PJA2: variants seen among roughly 807,000 people sequenced by gnomAD.
PJA2 encodes E3 ubiquitin-protein ligase Praja-2.
A neutral mutation model predicts 69.3 loss-of-function variants in PJA2; 25 were observed. The ratio of observed to expected loss-of-function variants is 0.36; its 90% CI spans 0.26 to 0.50. The LOEUF (loss-of-function observed/expected upper bound fraction) is 0.50. PJA2 is among the 20% of genes least tolerant of loss of function. The pLI is 0.96. For synonymous variants in PJA2, 308 were observed against 277.8 expected, an observed-to-expected ratio of 1.11 and a Z score of -1.08; for missense variants, 809 against 830.2, an observed-to-expected ratio of 0.97 and a Z score of 0.31.
intron 4 of PJA2, among the ~76,000 whole-genome samples, chr5:109,372,923 A>AAAAAAAAAAAAAAAAAAAAAAAAAAG (rs1272538036): frequency 9.5e-5 from 13 of 136,850 alleles, no homozygotes; most frequent in Non-Finnish European, 1.6e-4. Flanking sequence ...AAAAAAAAAA[A>AAAAAAAAAAAAAAAAAAAAAAAAAAG]AAAGAAAGAA....
chr5:109,378,754 C>G lies in PJA2; in HGVS notation c.733G>C (p.Asp245His). The change falls in exon 4 of 10, where the codon GAT becomes CAT. Residue 245 changes from aspartate (D) to histidine (H), a missense_variant. Around this residue, in one of 4 missense-constraint regions of PJA2, gnomAD observed 700 missense variants for 639.5 expected, o/e 1.09. Coordinates refer to ENST00000361189, the MANE Select transcript of PJA2 (RefSeq NM_014819.5). ...SVPLVKSSAG[D>H]TEFVHQNSQE... ...CTATTCTGATGGACAAACTCAGTAT[C>G]ACCAGCAGAACTTTTCACTAATGGT... The G allele has an allele frequency of 1.9e-6, 3 of 1,612,386 alleles. No homozygotes were observed. Among genetic ancestry groups the G allele is most frequent in the Non-Finnish European group, 2.5e-6 (3 of 1,180,004 alleles).
chr5:109,339,583 T>G (rs1762005663), intron 9 of PJA2, among the ~76,000 whole-genome samples: 1 of 152,164 alleles, frequency 6.6e-6, no homozygotes, highest in African/African-American at 2.4e-5. Flanking sequence ...CCTCACAGAC[T>G]CAGCCATGCT....
rs1330893528 is a variant in PJA2, at chr5:109,379,245, G to C, written c.242C>G (p.Pro81Arg). ...TAAAGAAGAATCAACTTGATCCAAAGGACTGGAACCTTCATAAAAAACAAA... is the reference window on the plus strand; with the variant it reads ...TAAAGAAGAATCAACTTGATCCAAACGACTGGAACCTTCATAAAAAACAAA... ...VPKENSSGSS[P>R]LDQVDSSLPS... is the part of the protein sequence containing the mutation. Residue 81 changes from proline (P) to arginine (R), a missense_variant, in exon 4 of 10, where the codon CCT (proline) becomes CGT (arginine). By Grantham distance (103) the Pro-to-Arg change is moderately radical. Coordinates refer to ENST00000361189, the MANE Select transcript of PJA2 (RefSeq NM_014819.5). The C allele has an allele frequency of 6.3e-6, 10 of 1,587,894 alleles. No homozygotes were observed. The highest frequency in any genetic ancestry group is 8.5e-6 in the Non-Finnish European group (10 of 1,170,116).
At chr5:109,394,291 A>C (rs1289148036) in intron 1 of PJA2, among the ~76,000 whole-genome samples, 12 of 151,550 alleles carry the variant, frequency 7.9e-5, no homozygotes, top group Non-Finnish European at 1.6e-4. Context: ...TAAGTGATCC[A>C]CCCGCCTCCG....
chr5:109,374,252 GAACA>G (rs1762722208), intron 4 of PJA2, among the ~76,000 whole-genome samples: 1 of 152,172 alleles, frequency 6.6e-6, no homozygotes, highest in African/African-American at 2.4e-5. Context: ...CATATCTGCA[GAACA>G]AACACATTTA....
At chr5:109,361,019 T>C (rs971591935) in intron 6 of PJA2, among the ~76,000 whole-genome samples, 2 of 151,972 alleles carry the variant, frequency 1.3e-5, no homozygotes, top group African/African-American at 4.8e-5. Context: ...TCCCAGCTAC[T>C]TGGGAGGCTG....
chr5:109,380,440 C>A (rs959703645), intron 3 of PJA2, among the ~76,000 whole-genome samples: 4 of 152,026 alleles, frequency 2.6e-5, no homozygotes, highest in Non-Finnish European at 4.4e-5. Context: ...ATTGAATAAG[C>A]CTTCCTTGTC....
In PJA2 at chr5:109,383,446, C is replaced by A. The variant is rs1310125311; in HGVS notation, c.-13G>T. The A allele has an allele frequency of 3.1e-6, 5 of 1,609,576 alleles. No homozygotes were observed. The highest frequency in any genetic ancestry group is 4.2e-6 in the Non-Finnish European group (5 of 1,176,570). On this transcript the variant is annotated 5_prime_UTR_variant, in exon 2 of 10. Coordinates refer to ENST00000361189, the MANE Select transcript of PJA2 (RefSeq NM_014819.5). ...TGTACTGTGACATATATGGCAGCGT[C>A]TGTGTGACCAGTTCAGTAGAATTAT... is the stretch of plus-strand genomic sequence containing the variant.
intron 6 of PJA2, 70 bp downstream of exon 6, chr5:109,362,770 T>A: frequency 7.2e-7 from 1 of 1,395,272 alleles, no homozygotes; most frequent in Non-Finnish European, 9.7e-7. Context: ...TAGCAGAGAT[T>A]TAATTTTCAT....
intron 1 of PJA2, among the ~76,000 whole-genome samples, chr5:109,388,291 G>T (rs1048108632): frequency 2.0e-5 from 3 of 152,120 alleles, no homozygotes; most frequent in Non-Finnish European, 4.4e-5. Flanking sequence ...CCACATGGAT[G>T]AGCAACCTGG....
intron 7 of PJA2, among the ~76,000 whole-genome samples, chr5:109,352,892 T>C (rs894030479): frequency 2.7e-5 from 4 of 149,658 alleles, no homozygotes; most frequent in Non-Finnish European, 5.9e-5. Context: ...TCTATATCTA[T>C]AGACATCTAT....
chr5:109,345,856 T>C (rs1762166131), intron 7 of PJA2, among the ~76,000 whole-genome samples: 1 of 152,222 alleles, frequency 6.6e-6, no homozygotes, highest in Non-Finnish European at 1.5e-5. Flanking sequence ...CAAATTACTG[T>C]TCTAAGAAGG....
chr5:109,358,181 G>A lies in PJA2; in HGVS notation c.1653-2155C>T, dbSNP rs769329900. On this transcript the variant is annotated intron_variant, in intron 6 of 9. Coordinates refer to ENST00000361189, the MANE Select transcript of PJA2 (RefSeq NM_014819.5). ...CATGCTAGAAGGTTGTGGGTTTACCGTTTACAGGAATGAGGGCAAGGAACA... is the reference window on the plus strand; with the variant it reads ...CATGCTAGAAGGTTGTGGGTTTACCATTTACAGGAATGAGGGCAAGGAACA... Among the ~76,000 whole-genome samples the A allele has an allele frequency of 2.6e-5, 4 of 152,314 alleles. No individual in the cohort carries two copies. In the East Asian group the frequency reaches 7.7e-4, roughly 29 times the overall value.
In PJA2 at chr5:109,383,499, A is replaced by G; in HGVS notation, c.-66T>C. The stretch of plus-strand genomic sequence containing the variant: ...ATGTGATTTAGTTTTTATTCACACT[A>G]TGGACAAGCCGCAGAAGATTCCTAC... On this transcript the variant is annotated 5_prime_UTR_variant, in exon 2 of 10. Transcript: ENST00000361189. 1 of 1,324,370 alleles carries G rather than the reference A, an allele frequency of 7.6e-7. No homozygotes were observed. Among genetic ancestry groups the G allele is most frequent in the Non-Finnish European group, 1.1e-6 (1 of 931,452 alleles). The allele number at this position is 1,324,370 out of a possible 1,614,324, so 82.0% of individuals were successfully genotyped here.
chr5:109,374,972 T>C (rs1478809139), intron 4 of PJA2, among the ~76,000 whole-genome samples: 3 of 152,188 alleles, frequency 2.0e-5, no homozygotes, highest in Admixed American at 1.3e-4. Context: ...GGTAATTATA[T>C]GCTGCCTATT....
At chr5:109,343,705 A>ATAT (rs1471507226) in intron 9 of PJA2, among the ~76,000 whole-genome samples, 2 of 152,208 alleles carry the variant, frequency 1.3e-5, no homozygotes, top group Non-Finnish European at 2.9e-5. Context: ...AAATATTTCC[A>ATAT]TATTATCCCT....
chr5:109,385,125 T>C (rs1031294360), intron 1 of PJA2, among the ~76,000 whole-genome samples: 1 of 152,158 alleles, frequency 6.6e-6, no homozygotes, highest in Non-Finnish European at 1.5e-5. Flanking sequence ...GAAATGTGCG[T>C]TTTATTCTGA....
chr5:109,398,386 T>A (rs1747464770), intron 1 of PJA2, among the ~76,000 whole-genome samples: 1 of 152,062 alleles, frequency 6.6e-6, no homozygotes, highest in South Asian at 2.1e-4. Context: ...CAAATGTCCA[T>A]CAATGATAGA....
chr5:109,394,629 C>T (rs1747366534), intron 1 of PJA2, among the ~76,000 whole-genome samples: 1 of 151,998 alleles, frequency 6.6e-6, no homozygotes, highest in South Asian at 2.1e-4. Context: ...TTTTATGGAC[C>T]ACTGAAAACT....
Sources: gnomAD v4.1 joint callset for allele counts (sites outside exome capture counted in the v4.1 genomes callset) on GRCh38, gnomAD v4.1.1 for gene constraint, gnomAD v4.1.1 regional missense constraint, MANE v1.5 for transcripts, NCBI Gene and HGNC (gene_info 2026-07-23, HGNC 2026-07-21) for gene names.